The following BCAS3 variants were observed in gnomAD, a reference collection of about 807,000 sequenced individuals.
The protein encoded by BCAS3 is BCAS3 microtubule associated cell migration factor.
In BCAS3, 53 loss-of-function variants were observed where a neutral mutation model predicts 116.1. The observed-to-expected ratio is 0.46, with a 90% CI of 0.37 to 0.57. The LOEUF (loss-of-function observed/expected upper bound fraction) is 0.57. Ranked by LOEUF, BCAS3 falls within the 20% of genes least tolerant of loss-of-function variation. BCAS3 has a pLI of 0.00. For missense variants in BCAS3, 917 were observed against 1,165.4 expected, an observed-to-expected ratio of 0.79 and a Z score of 3.10; for synonymous variants, 391 against 408.2, an observed-to-expected ratio of 0.96 and a Z score of 0.51.
Position 61,368,331 on chromosome 17 carries a change from C to T in BCAS3, c.2430C>T (p.Thr810=), listed in dbSNP as rs1219887871. 6.3e-7 allele frequency: 1 copy of T among 1,593,668 alleles called. No individual in the cohort carries two copies. The highest frequency in any genetic ancestry group is 8.6e-7 in the Non-Finnish European group (1 of 1,164,382). The change falls in exon 23 of 24, where the codon ACC becomes ACT. Residue 810 remains threonine (T), a synonymous_variant. Coordinates refer to ENST00000407086, the MANE Select transcript of BCAS3 (RefSeq NM_017679.5). This position sits in a 1 kb window ranked among gnomAD's most constrained non-coding sequence, Gnocchi z 6.0. ...GATGTCCCGTGTGTGCCACAGGTAC[C>T]TTTGACAGGAGCGTGACCCTGCTGG... The part of the protein sequence containing the change: ...VSTVIDAASG[T]FDRSVTLLEV...
At chr17:60,821,901 C>T (rs1038211137) in intron 7 of BCAS3, 3 of 152,134 alleles carry the variant, frequency 2.0e-5, no homozygotes, top group African/African-American at 7.2e-5. Context: ...GTCTTAAACT[C>T]CTGAGCTCAT....
chr17:61,240,769 A>G (rs968853052), intron 22 of BCAS3, among the ~76,000 whole-genome samples: 1 of 152,228 alleles, frequency 6.6e-6, no homozygotes, highest in African/African-American at 2.4e-5. Flanking sequence ...GAACAGATTC[A>G]TTTACCTATA....
At chr17:61,016,199 G>A (rs2065445731) in intron 16 of BCAS3, among the ~76,000 whole-genome samples, 1 of 152,162 alleles carries the variant, frequency 6.6e-6, no homozygotes, top group Non-Finnish European at 1.5e-5. Context: ...TTGTGGCTTT[G>A]CCTGCAAGTA....
At chr17:60,814,306 T>TGCGTGTGCGC (rs1555731472) in intron 7 of BCAS3, among the ~76,000 whole-genome samples, 1 of 148,198 alleles carries the variant, frequency 6.7e-6, no homozygotes, top group Non-Finnish European at 1.5e-5. Flanking sequence ...TGTGTGTGTG[T>TGCGTGTGCGC]GCGCGCGTGC....
At chr17:60,920,010 C>T (rs1036126962) in intron 12 of BCAS3, among the ~76,000 whole-genome samples, 1 of 152,058 alleles carries the variant, frequency 6.6e-6, no homozygotes, top group African/African-American at 2.4e-5. Flanking sequence ...TCCAGTTATA[C>T]CAACAATATA....
intron 6 of BCAS3, among the ~76,000 whole-genome samples, chr17:60,782,151 ACTT>A (rs1279300907): frequency 6.6e-6 from 1 of 151,632 alleles, no homozygotes; most frequent in Non-Finnish European, 1.5e-5. Flanking sequence ...AGGAGATATG[ACTT>A]TAAAAACTAC....
intron 19 of BCAS3, among the ~76,000 whole-genome samples, chr17:61,047,795 T>G (rs749233606): frequency 6.6e-6 from 1 of 152,042 alleles, no homozygotes; most frequent in Non-Finnish European, 1.5e-5. Flanking sequence ...TGAGTTGCCT[T>G]AGGAAAGCCT....
At chr17:60,946,307 C>A (rs2060492209) in intron 13 of BCAS3, among the ~76,000 whole-genome samples, 1 of 152,052 alleles carries the variant, frequency 6.6e-6, no homozygotes, top group Non-Finnish European at 1.5e-5. Flanking sequence ...GGTCCTCACA[C>A]CTTATACAAA....
intron 4 of BCAS3, among the ~76,000 whole-genome samples, chr17:60,707,013 CAG>C (rs1352268019): frequency 6.6e-6 from 1 of 151,482 alleles, no homozygotes; most frequent in Non-Finnish European, 1.5e-5. Context: ...TTTTTTGAGA[CAG>C]AGTTTTGCTC....
At chr17:60,930,178 A>G (rs1272337194) in intron 13 of BCAS3, among the ~76,000 whole-genome samples, 1 of 152,216 alleles carries the variant, frequency 6.6e-6, no homozygotes, top group Non-Finnish European at 1.5e-5. Context: ...ACATGTAACC[A>G]TATATGTTTT....
rs1027460504 is a variant in BCAS3, at chr17:61,065,236, C to T, written c.2030-9684C>T. ...CTGTGAATTGCTTGTTCATTGGGAA[C>T]TGCCTTTGTTCATTTTGCTTTTGGA... On this transcript the variant is annotated intron_variant, in intron 19 of 23. Transcript: ENST00000407086. The surrounding 1 kb of genome is among the most constrained non-coding windows in gnomAD (Gnocchi z 4.8). Among the ~76,000 whole-genome samples the T allele has an allele frequency of 3.9e-5, 6 of 152,246 alleles. No individual in the cohort carries two copies. The highest frequency in any genetic ancestry group is 3.9e-4 in the East Asian group (2 of 5,184).
At chr17:60,732,799 A>G (rs777576492) in intron 5 of BCAS3, among the ~76,000 whole-genome samples, 1 of 152,224 alleles carries the variant, frequency 6.6e-6, no homozygotes, top group Admixed American at 6.5e-5. Context: ...AGATCGCACC[A>G]TTGCACTCCA....
At chr17:61,010,399 T>C (rs1265030503) in intron 15 of BCAS3, among the ~76,000 whole-genome samples, 4 of 152,014 alleles carry the variant, frequency 2.6e-5, no homozygotes, top group African/African-American at 9.7e-5. Context: ...GATTGAGAGT[T>C]TGTGTCCCCC....
chr17:61,125,906 T>C (rs1336018778), intron 22 of BCAS3, among the ~76,000 whole-genome samples: 1 of 152,158 alleles, frequency 6.6e-6, no homozygotes, highest in Non-Finnish European at 1.5e-5. Flanking sequence ...CCTTTTGTAG[T>C]TGACTTATAA....
intron 6 of BCAS3, among the ~76,000 whole-genome samples, chr17:60,788,241 A>G (rs550395191): frequency 7.2e-5 from 11 of 152,314 alleles, no homozygotes; most frequent in Non-Finnish European, 1.6e-4. Flanking sequence ...GGTAACAGAA[A>G]AGAATTCTTG....
chr17:60,790,212 G>A (rs9916029), intron 6 of BCAS3, among the ~76,000 whole-genome samples: 44 of 152,298 alleles, frequency 2.9e-4, no homozygotes, highest in African/African-American at 9.9e-4. Flanking sequence ...ACTTCAGTAG[G>A]TTAGTGAAAA....
rs1400526164 is a variant in BCAS3 at position 61,205,560 on chromosome 17, C to T, written c.2425+120996C>T. ...AAGACAGTCTCCTCAGCCATAATGT[C>T]ATTGACCTTGACATACTCAGAACAA... On this transcript the variant is annotated intron_variant, in intron 22 of 23. Transcript: ENST00000407086. The surrounding 1 kb of genome is among the most constrained non-coding windows in gnomAD (Gnocchi z 5.2). Among the ~76,000 whole-genome samples the T allele has an allele frequency of 6.6e-6, 1 of 152,196 alleles. No individual in the cohort carries two copies. Among genetic ancestry groups the T allele is most frequent in the Non-Finnish European group, 1.5e-5 (1 of 68,046 alleles).
At chr17:60,727,722 T>TA (rs2040035100) in intron 5 of BCAS3, among the ~76,000 whole-genome samples, 1 of 151,934 alleles carries the variant, frequency 6.6e-6, no homozygotes, top group African/African-American at 2.4e-5. Flanking sequence ...GTAAAATTGT[T>TA]ACAATCCATG....
rs1167689527 is a variant in BCAS3, at chr17:60,961,072, C to T, written c.1221+13720C>T. On this transcript the variant is annotated intron_variant, in intron 14 of 23. Transcript: ENST00000407086. This position sits in a 1 kb window ranked among gnomAD's most constrained non-coding sequence, Gnocchi z 4.8. ...CCAACCATGAAACTCCTCATAGTAA[C>T]ATCTTTTTCTCCTTGGTAGGATATT... 6.6e-6 allele frequency among the ~76,000 whole-genome samples: 1 copy of T among 152,098 alleles called. No homozygotes were observed. The highest frequency in any genetic ancestry group is 1.5e-5 in the Non-Finnish European group (1 of 68,028).
Sources: allele counts gnomAD v4.1 joint callset (sites outside exome capture counted in the v4.1 genomes callset), GRCh38; gene constraint gnomAD v4.1.1; non-coding constraint Gnocchi (gnomAD v3.1); transcripts MANE v1.5; gene names NCBI Gene and HGNC (gene_info 2026-07-23, HGNC 2026-07-21).